The following PLCB4 variants were observed in gnomAD, a reference collection of about 807,000 sequenced individuals.
PLCB4 encodes phospholipase C beta 4, also known as 1-phosphatidylinositol 4,5-bisphosphate phosphodiesterase beta-4.
In PLCB4, 77 loss-of-function variants were observed where a neutral mutation model predicts 178.8. That is an observed-to-expected ratio of 0.43 (90% CI 0.36 to 0.52). The LOEUF (loss-of-function observed/expected upper bound fraction) is 0.52, where lower values mean the gene tolerates loss of function less well. Ranked by LOEUF, PLCB4 falls within the 20% of genes least tolerant of loss-of-function variation. The probability of loss-of-function intolerance (pLI) is 0.00; values close to 1 mark genes in which losing one functional copy is unlikely to be tolerated. For missense variants in PLCB4, 1,024 were observed against 1,453.4 expected (o/e 0.70, Z 4.80); for synonymous variants, 496 against 490.8 (o/e 1.01, Z -0.14).
chr20:9,403,400 A>C (rs2039189575), intron 20 of PLCB4, among the ~76,000 whole-genome samples: 2 of 152,306 alleles, frequency 1.3e-5, no homozygotes, highest in South Asian at 2.1e-4. Flanking sequence ...AGTGACACCA[A>C]GAAAACCAGG....
chr20:9,212,016 T>C (rs2093678367), intron 2 of PLCB4, among the ~76,000 whole-genome samples: 1 of 152,206 alleles, frequency 6.6e-6, no homozygotes, highest in African/African-American at 2.4e-5. Flanking sequence ...GGCTTTGCAG[T>C]GTGCAGTGCC....
At chr20:9,125,090 A>G (rs909034498) in intron 2 of PLCB4, among the ~76,000 whole-genome samples, 4 of 152,168 alleles carry the variant, frequency 2.6e-5, no homozygotes, top group African/African-American at 9.6e-5. Flanking sequence ...GACTCCATCA[A>G]TTCACCAGGC....
At position 9,110,806 on chromosome 20, in the gene PLCB4, C is replaced by T. The variant is rs150876599; in HGVS notation, c.-79+14464C>T. Among the ~76,000 whole-genome samples, 173 of 152,072 alleles carry T rather than the reference C, an allele frequency of 1.1e-3. 1 individual carries two copies. The East Asian group carries it at 0.024, about 21-fold the overall frequency. On this transcript the variant is annotated intron_variant, in intron 2 of 39. Coordinates refer to ENST00000378473, the MANE Select transcript of PLCB4 (RefSeq NM_001377142.1). ...ATGAACAGTGTAGCCCTTTAGGCATCGTAAAATACTGTATTTTTTTTCATA... is the reference window on the plus strand; with the variant it reads ...ATGAACAGTGTAGCCCTTTAGGCATTGTAAAATACTGTATTTTTTTTCATA...
In PLCB4 at chr20:9,186,516, C is replaced by G. The variant is rs559270391; in HGVS notation, c.-78-30874C>G. Among the ~76,000 whole-genome samples the G allele has an allele frequency of 1.3e-3, 202 of 152,262 alleles. 1 individual carries two copies. Among genetic ancestry groups the G allele is most frequent in the African/African-American group, 4.6e-3 (190 of 41,560 alleles). ...CCAACTAGTAAACCCAAAGAAAACA[C>G]TGGGTGTTTTAATTTTTTGAAGTGG... On this transcript the variant is annotated intron_variant, in intron 2 of 39. Coordinates refer to ENST00000378473, the MANE Select transcript of PLCB4 (RefSeq NM_001377142.1).
chr20:9,260,880 C>T (rs1440360963), intron 3 of PLCB4, among the ~76,000 whole-genome samples: 2 of 152,056 alleles, frequency 1.3e-5, no homozygotes, highest in Non-Finnish European at 2.9e-5. Flanking sequence ...TATCTTAGAA[C>T]AGAACACATT....
At chr20:9,204,372 G>C (rs1023448828) in intron 2 of PLCB4, among the ~76,000 whole-genome samples, 5 of 151,598 alleles carry the variant, frequency 3.3e-5, no homozygotes, top group African/African-American at 1.2e-4. Context: ...TTTTTTGCGG[G>C]GGTGGGGATC....
intron 28 of PLCB4, 53 bp downstream of exon 28, chr20:9,424,005 A>G (rs1383170400): frequency 1.9e-5 from 22 of 1,139,064 alleles, no homozygotes; most frequent in Non-Finnish European, 2.7e-5. Context: ...CCTAGATTAT[A>G]AGATTATAAA....
chr20:9,276,965 G>A (rs1360560602), intron 3 of PLCB4, among the ~76,000 whole-genome samples: 3 of 151,990 alleles, frequency 2.0e-5, no homozygotes, highest in African/African-American at 7.2e-5. Context: ...AAATAGAAAT[G>A]TGCAATTTTT....
intron 28 of PLCB4, among the ~76,000 whole-genome samples, chr20:9,430,325 C>A (rs1248979266): frequency 6.6e-6 from 1 of 152,190 alleles, no homozygotes; most frequent in East Asian, 1.9e-4. Context: ...CTTTTGTAAT[C>A]TCTTTTTTGT....
Position 9,395,530 on chromosome 20 carries a change from G to A in PLCB4, c.1422G>A (p.Leu474=), listed in dbSNP as rs1357072715. The change falls in exon 19 of 40, where the codon CTG becomes CTA. Residue 474 remains leucine, a synonymous_variant. Coordinates refer to ENST00000378473, the MANE Select transcript of PLCB4 (RefSeq NM_001377142.1). ...GCGTGTTTTTGCTAACAGAACAGCTGGAAGCTTTGAGAAGCATGATGGAAG... is the reference window on the plus strand; with the variant it reads ...GCGTGTTTTTGCTAACAGAACAGCTAGAAGCTTTGAGAAGCATGATGGAAG... ...RLKPEVEKKQ[L]EALRSMMEAG... 4.3e-6 allele frequency: 7 copies of A among 1,612,880 alleles called. No individual in the cohort carries two copies. Among genetic ancestry groups the A allele is most frequent in the African/African-American group, 1.3e-5 (1 of 75,012 alleles).
intron 2 of PLCB4, among the ~76,000 whole-genome samples, chr20:9,169,513 C>T (rs1039581100): frequency 3.3e-5 from 5 of 151,476 alleles, no homozygotes; most frequent in African/African-American, 4.9e-5. Context: ...TCGCTTGAAA[C>T]GGGAGGCAGA....
At chr20:9,130,412 A>G (rs985940689) in intron 2 of PLCB4, among the ~76,000 whole-genome samples, 1 of 152,188 alleles carries the variant, frequency 6.6e-6, no homozygotes, top group Non-Finnish European at 1.5e-5. Context: ...GTCTGCCTAG[A>G]TCTTCCTCTT....
intron 39 of PLCB4, 46 bp from the exon 40 acceptor site, chr20:9,478,875 A>G: frequency 7.0e-7 from 1 of 1,423,864 alleles, no homozygotes; most frequent in Non-Finnish European, 9.9e-7. Flanking sequence ...AAGTGCCTTC[A>G]GATAAGGATT....
intron 29 of PLCB4, among the ~76,000 whole-genome samples, chr20:9,436,412 T>C (rs2041772636): frequency 6.6e-6 from 1 of 152,236 alleles, no homozygotes; most frequent in African/African-American, 2.4e-5. Flanking sequence ...AGTGCAGTAG[T>C]GTGATCATAG....
chr20:9,317,374 G>C (rs756470195), intron 4 of PLCB4, among the ~76,000 whole-genome samples: 6 of 152,062 alleles, frequency 3.9e-5, no homozygotes, highest in African/African-American at 1.4e-4. Flanking sequence ...TTTCTAAGAT[G>C]CTCTCATTTT....
chr20:9,074,889 C>T (rs2089772751), intron 1 of PLCB4, among the ~76,000 whole-genome samples: 1 of 149,552 alleles, frequency 6.7e-6, no homozygotes, highest in Non-Finnish European at 1.5e-5. Flanking sequence ...GAAAGGCCTC[C>T]ACTAGAAGAA....
intron 32 of PLCB4, among the ~76,000 whole-genome samples, chr20:9,447,597 GT>G (rs1201250785): frequency 2.0e-5 from 3 of 152,188 alleles, no homozygotes; most frequent in African/African-American, 7.2e-5. Context: ...CTTTTGACAG[GT>G]GACAAAGTTA....
At chr20:9,404,317 A>AG (rs1654208353) in intron 20 of PLCB4, among the ~76,000 whole-genome samples, 1 of 152,158 alleles carries the variant, frequency 6.6e-6, no homozygotes, top group Non-Finnish European at 1.5e-5. Flanking sequence ...TGATAGGAAG[A>AG]GGGGAGAGTA....
chr20:9,281,920 C>T (rs1395830786), intron 3 of PLCB4, among the ~76,000 whole-genome samples: 1 of 151,808 alleles, frequency 6.6e-6, no homozygotes, highest in Non-Finnish European at 1.5e-5. Flanking sequence ...GTAAAACATC[C>T]AGAAGTGAAA....
Sources: gnomAD v4.1 joint callset for allele counts (sites outside exome capture counted in the v4.1 genomes callset) on GRCh38, gnomAD v4.1.1 for gene constraint, MANE v1.5 for transcripts, NCBI Gene and HGNC (gene_info 2026-07-23, HGNC 2026-07-21) for gene names.